Variants in PRUNE2 observed in about 807,000 individuals in gnomAD.
PRUNE2 encodes prune homolog 2 with BCH domain.
In PRUNE2, 164 loss-of-function variants were observed where a neutral mutation model predicts 252.0. That is an observed-to-expected ratio of 0.65 (90% CI 0.57 to 0.74). The LOEUF is 0.74. Ranked by LOEUF, PRUNE2 falls within the 30% of genes least tolerant of loss-of-function variation. The probability of loss-of-function intolerance (pLI) is 0.00; values close to 1 mark genes in which losing one functional copy is unlikely to be tolerated. For synonymous variants in PRUNE2, 1,292 were observed against 1,350.2 expected (o/e 0.96, Z 0.94); for missense variants, 3,495 against 3,711.0 (o/e 0.94, Z 1.51).
intron 8 of PRUNE2, 75 bp downstream of exon 8, chr9:76,704,686 G>T: frequency 9.8e-7 from 1 of 1,016,012 alleles, no homozygotes; most frequent in Non-Finnish European, 1.4e-6. Flanking sequence ...GGTAGGAAGA[G>T]TGTGTCTTAC....
intron 6 of PRUNE2, among the ~76,000 whole-genome samples, chr9:76,815,272 C>T (rs2057610201): frequency 6.6e-6 from 1 of 152,216 alleles, no homozygotes; most frequent in Admixed American, 6.5e-5. Context: ...GATGGCTAAA[C>T]CTTGGATCCC....
At chr9:76,692,279 G>C (rs79629171) in intron 9 of PRUNE2, 7,131 of 642,546 alleles carry the variant, frequency 0.011, 59 homozygotes, top group Middle Eastern at 0.015. Flanking sequence ...GGGCACAGCT[G>C]GGGCTGTGCT....
At chr9:76,638,615 AG>A (rs1002547648) in intron 12 of PRUNE2, among the ~76,000 whole-genome samples, 2 of 152,210 alleles carry the variant, frequency 1.3e-5, no homozygotes, top group Non-Finnish European at 2.9e-5. Context: ...AAAAAATGAG[AG>A]GGGGCAAGAC....
chr9:76,842,533 A>G (rs1400002173), intron 4 of PRUNE2, among the ~76,000 whole-genome samples: 1 of 152,244 alleles, frequency 6.6e-6, no homozygotes, highest in East Asian at 1.9e-4. Context: ...AACTATCATC[A>G]GAATGAACAG....
intron 6 of PRUNE2, among the ~76,000 whole-genome samples, chr9:76,747,640 T>C (rs182075744): frequency 6.6e-6 from 1 of 152,240 alleles, no homozygotes; most frequent in East Asian, 1.9e-4. Context: ...CAACTTCTTT[T>C]AGGGAAGAAA....
At chr9:76,688,936 A>C (rs1156655875) in intron 9 of PRUNE2, among the ~76,000 whole-genome samples, 2 of 152,202 alleles carry the variant, frequency 1.3e-5, no homozygotes, top group Non-Finnish European at 2.9e-5. Context: ...CTCCAGCTGC[A>C]GTGTTCCTTC....
chr9:76,845,869 C>T (rs531305047), intron 4 of PRUNE2, among the ~76,000 whole-genome samples: 3 of 152,240 alleles, frequency 2.0e-5, no homozygotes, highest in Admixed American at 6.5e-5. Context: ...GTTCCAAAGT[C>T]GACTGACAAT....
chr9:76,844,762 A>G (rs1021322295), intron 4 of PRUNE2, among the ~76,000 whole-genome samples: 12 of 152,094 alleles, frequency 7.9e-5, no homozygotes, highest in African/African-American at 2.7e-4. Flanking sequence ...GAAGCTCTTC[A>G]TCCTCTCACA....
rs1845747999 is a variant in PRUNE2, at chr9:76,648,203, CGCATTCATTGCTGGT to C, written c.8558-3309_8558-3295del. 2.0e-5 allele frequency among the ~76,000 whole-genome samples: 3 copies of C among 151,002 alleles called. No homozygotes were observed. In the South Asian group the frequency reaches 6.2e-4, roughly 31 times the overall value. Reference sequence around the variant, plus strand: ...GTGAGAATGCAAAGCGACAGGAACTCGCATTCATTGCTGGTGGGAATGCAAAATGGTCCAGCCACT... The same window carrying C: ...GTGAGAATGCAAAGCGACAGGAACTCGGGAATGCAAAATGGTCCAGCCACT... On this transcript the variant is annotated intron_variant, in intron 11 of 18. Transcript: ENST00000376718.
chr9:76,897,424 T>G (rs1426573075), intron 1 of PRUNE2, among the ~76,000 whole-genome samples: 4 of 115,178 alleles, frequency 3.5e-5, no homozygotes, highest in African/African-American at 1.7e-4. Flanking sequence ...TTTTTTTTTT[T>G]TTTGAGATGG....
intron 6 of PRUNE2, among the ~76,000 whole-genome samples, chr9:76,735,609 C>T (rs964791725): frequency 6.6e-6 from 1 of 152,028 alleles, no homozygotes; most frequent in African/African-American, 2.4e-5. Context: ...CATTAGGCTG[C>T]ACCAGCCTAA....
At chr9:76,772,494 A>T (rs2053222433) in intron 6 of PRUNE2, among the ~76,000 whole-genome samples, 1 of 152,126 alleles carries the variant, frequency 6.6e-6, no homozygotes, top group African/African-American at 2.4e-5. Context: ...ACCAAAAATA[A>T]CCTTCTGTAG....
At chr9:76,807,484 A>G (rs1265308762) in intron 6 of PRUNE2, among the ~76,000 whole-genome samples, 1 of 152,214 alleles carries the variant, frequency 6.6e-6, no homozygotes, top group East Asian at 1.9e-4. Flanking sequence ...ACACCATGAT[A>G]TAATAAAGAG....
chr9:76,876,906 T>A (rs1320091203), intron 1 of PRUNE2, among the ~76,000 whole-genome samples: 3 of 152,248 alleles, frequency 2.0e-5, no homozygotes, highest in South Asian at 2.1e-4. Context: ...GGTTGACACA[T>A]CTGAAAGAAA....
chr9:76,675,225 AC>A (rs2042291814), intron 9 of PRUNE2, among the ~76,000 whole-genome samples: 2 of 55,910 alleles, frequency 3.6e-5, no homozygotes, highest in South Asian at 1.8e-3. Flanking sequence ...CAAGAAAAAA[AC>A]AAACAACCCC....
chr9:76,640,877 T>G (rs767735358), intron 12 of PRUNE2, among the ~76,000 whole-genome samples: 12 of 152,184 alleles, frequency 7.9e-5, no homozygotes, highest in Non-Finnish European at 1.3e-4. Flanking sequence ...TTCAAAAGCG[T>G]TTTTCTAAAT....
At position 76,871,707 on chromosome 9, in the gene PRUNE2, C is replaced by T. The variant is rs113081756; in HGVS notation, c.37-17499G>A. Among the ~76,000 whole-genome samples the T allele has an allele frequency of 4.4e-3, 666 of 152,330 alleles. 2 individuals are homozygous for T. Among genetic ancestry groups the T allele is most frequent in the Non-Finnish European group, 6.4e-3 (434 of 68,032 alleles). On this transcript the variant is annotated intron_variant, in intron 1 of 18. Coordinates refer to ENST00000376718, the MANE Select transcript of PRUNE2 (RefSeq NM_015225.3). ...GCAGGGGCACAACGTCAGCCTACTGCAACCTCCACCTCCTGGTTTCAAGTG... is the reference window on the plus strand; with the variant it reads ...GCAGGGGCACAACGTCAGCCTACTGTAACCTCCACCTCCTGGTTTCAAGTG...
rs975109614 is a variant in PRUNE2, at chr9:76,905,946, T to C, written c.18A>G (p.Gln6=). MEEFL[Q]RAKSKLNRSK... ...AACTTACCAGTTTAGATTTGGCGCG[T>C]TGCAAAAATTCTTCCATGTCGTGGC... The change falls in exon 1 of 19, where the codon CAA becomes CAG. Residue 6 remains glutamine (Q), a synonymous_variant. Coordinates refer to ENST00000376718, the MANE Select transcript of PRUNE2 (RefSeq NM_015225.3). 1 of 1,614,140 alleles carries C rather than the reference T, an allele frequency of 6.2e-7. No homozygotes were observed. Among genetic ancestry groups the C allele is most frequent in the Non-Finnish European group, 8.5e-7 (1 of 1,180,004 alleles).
At chr9:76,842,435 C>A (rs1446873765) in intron 4 of PRUNE2, among the ~76,000 whole-genome samples, 3 of 152,132 alleles carry the variant, frequency 2.0e-5, no homozygotes, top group African/African-American at 7.2e-5. Context: ...TGGGCAAAGA[C>A]TTTATGACTA....
Sources: gnomAD v4.1 joint callset for allele counts (sites outside exome capture counted in the v4.1 genomes callset) on GRCh38, gnomAD v4.1.1 for gene constraint, MANE v1.5 for transcripts, NCBI Gene and HGNC (gene_info 2026-07-23, HGNC 2026-07-21) for gene names.